CPSF2: variants seen among roughly 807,000 people sequenced by gnomAD.
CPSF2 encodes cleavage and polyadenylation specific factor 2, also known as cleavage and polyadenylation specificity factor subunit 2.
A neutral mutation model predicts 84.2 loss-of-function variants in CPSF2; 51 were observed. The observed-to-expected ratio is 0.61, with a 90% CI of 0.48 to 0.77. CPSF2 has a LOEUF of 0.77. CPSF2 is among the 30% of genes least tolerant of loss of function. The probability of loss-of-function intolerance (pLI) is 0.00; values close to 1 mark genes in which losing one functional copy is unlikely to be tolerated. For missense variants in CPSF2, 641 were observed against 929.4 expected (o/e 0.69, Z 4.03); for synonymous variants, 286 against 311.9 (o/e 0.92, Z 0.87).
chr14:92,124,785 A>G (rs1327544232), intron 1 of CPSF2, among the ~76,000 whole-genome samples: 1 of 152,224 alleles, frequency 6.6e-6, no homozygotes, highest in Non-Finnish European at 1.5e-5. Flanking sequence ...ACATGATTAC[A>G]TGTTGAAATA....
chr14:92,155,615 G>A (rs1357152286), intron 11 of CPSF2, among the ~76,000 whole-genome samples: 1 of 152,110 alleles, frequency 6.6e-6, no homozygotes, highest in Non-Finnish European at 1.5e-5. Flanking sequence ...CACTTAAAAA[G>A]AGAGGAAGAT....
At chr14:92,135,532 A>G in intron 6 of CPSF2, 36 bp downstream of exon 6, 2 of 1,565,550 alleles carry the variant, frequency 1.3e-6, no homozygotes, top group Admixed American at 2.0e-5. Context: ...AGGCAATGCA[A>G]TTGGTATTAT....
At chr14:92,151,354 C>T (rs1346468382) in intron 9 of CPSF2, among the ~76,000 whole-genome samples, 1 of 151,680 alleles carries the variant, frequency 6.6e-6, no homozygotes, top group Non-Finnish European at 1.5e-5. Flanking sequence ...GATCATGCCA[C>T]TGCACTCATC....
At chr14:92,156,408 C>A in intron 11 of CPSF2, 71 bp from the exon 12 acceptor site, 1 of 1,266,088 alleles carries the variant, frequency 7.9e-7, no homozygotes, top group Non-Finnish European at 1.1e-6. Flanking sequence ...AATTATGCCA[C>A]CTACTAGTCA....
chr14:92,145,163 CAT>C (rs1163325205), intron 9 of CPSF2, among the ~76,000 whole-genome samples: 2 of 152,200 alleles, frequency 1.3e-5, no homozygotes, highest in African/African-American at 4.8e-5. Flanking sequence ...TAAACCTTAA[CAT>C]AGAACTGTAA....
chr14:92,148,771 C>CAAA (rs34118244), intron 9 of CPSF2, among the ~76,000 whole-genome samples: 15 of 74,876 alleles, frequency 2.0e-4, no homozygotes, highest in African/African-American at 6.4e-4. Context: ...GGCCTCTTCT[C>CAAA]AAAAAAAAAA....
rs2068774133 is a variant in CPSF2 at position 92,122,019 on chromosome 14, C to T, written c.-203C>T. 1 of 613,202 alleles carries T rather than the reference C, an allele frequency of 1.6e-6. No homozygotes were observed. Among genetic ancestry groups the T allele is most frequent in the Non-Finnish European group, 2.9e-6 (1 of 349,912 alleles). The allele number at this position is 613,202 out of a possible 1,614,324, so 38.0% of individuals were successfully genotyped here. A position where few individuals can be genotyped will look rare whatever the true frequency, so the allele number is the denominator to read the frequency against. On this transcript the variant is annotated 5_prime_UTR_variant, in exon 1 of 16. Transcript: ENST00000298875. ...GCTGCCACTGTGGGGCTTCTGCCGG[C>T]CGGTAGTCCCTGGCGCTGCTGACCC...
intron 9 of CPSF2, among the ~76,000 whole-genome samples, chr14:92,147,482 A>G (rs962966898): frequency 6.6e-6 from 1 of 152,228 alleles, no homozygotes; most frequent in Non-Finnish European, 1.5e-5. Flanking sequence ...TAAGCCATTA[A>G]TCTTACATAT....
chr14:92,165,234 T>C lies in CPSF2; in HGVS notation c.*3490T>C, dbSNP rs1293993788. ...TTAAGAATGCTGCTCTGAACATTCA[T>C]GTGCAAGTTTTTTTTTTTTTGTATG... On this transcript the variant is annotated 3_prime_UTR_variant, in exon 16 of 16. Transcript: ENST00000298875. The C allele has an allele frequency of 1.4e-5, 2 of 146,610 alleles. No homozygotes were observed. The highest frequency in any genetic ancestry group is 4.6e-4 in the East Asian group (2 of 4,334). The allele number at this position is 146,610 out of a possible 1,614,324, so 9.1% of individuals were successfully genotyped here.
chr14:92,143,999 ATTACTCTTTCTTTCAG>A (rs1395874581), intron 9 of CPSF2, among the ~76,000 whole-genome samples: 4 of 152,060 alleles, frequency 2.6e-5, no homozygotes, highest in Non-Finnish European at 5.9e-5. Flanking sequence ...CCCTGAAGTA[ATTACTCTTTCTTTCAG>A]TGTTTCATGT....
At chr14:92,144,827 A>G (rs759806029) in intron 9 of CPSF2, among the ~76,000 whole-genome samples, 11 of 152,158 alleles carry the variant, frequency 7.2e-5, no homozygotes, top group Admixed American at 2.6e-4. Flanking sequence ...CTCCTCAAAC[A>G]TCCTACAGCT....
At chr14:92,128,432 A>C (rs748622804) in intron 2 of CPSF2, among the ~76,000 whole-genome samples, 20 of 152,146 alleles carry the variant, frequency 1.3e-4, no homozygotes, top group Non-Finnish European at 2.5e-4. Flanking sequence ...GCAGTGAGCC[A>C]AGATCGTGAC....
chr14:92,133,613 C>T (rs2068962062), intron 3 of CPSF2, among the ~76,000 whole-genome samples: 1 of 150,688 alleles, frequency 6.6e-6, no homozygotes, highest in African/African-American at 2.4e-5. Flanking sequence ...CTCATGCCAC[C>T]ACCCCTGGCT....
Position 92,164,091 on chromosome 14 carries a change from A to C in CPSF2, c.*2347A>C, listed in dbSNP as rs533920773. On this transcript the variant is annotated 3_prime_UTR_variant, in exon 16 of 16. Coordinates refer to ENST00000298875, the MANE Select transcript of CPSF2 (RefSeq NM_017437.3). ...TTGCTTGGCACTTCTTCCTGCTGCC[A>C]TGTGAAGAAGGATGTGTTTGCTTCC... is the stretch of plus-strand genomic sequence containing the variant. The C allele has an allele frequency of 6.5e-6, 1 of 153,932 alleles. No homozygotes were observed. Among genetic ancestry groups the C allele is most frequent in the East Asian group, 1.9e-4 (1 of 5,248 alleles). The allele number at this position is 153,932 out of a possible 1,614,324, so 9.5% of individuals were successfully genotyped here.
chr14:92,134,387 A>G (rs1468258134), intron 5 of CPSF2, 32 bp downstream of exon 5: 2 of 1,398,054 alleles, frequency 1.4e-6, no homozygotes, highest in Non-Finnish European at 2.0e-6. Flanking sequence ...AAGTATTTAG[A>G]TGAATGGGGT....
At chr14:92,152,821 T>C (rs192375428) in intron 9 of CPSF2, among the ~76,000 whole-genome samples, 2 of 152,280 alleles carry the variant, frequency 1.3e-5, no homozygotes, top group East Asian at 3.9e-4. Flanking sequence ...CATTGATAAA[T>C]ATAACCCACA....
intron 7 of CPSF2, among the ~76,000 whole-genome samples, chr14:92,139,535 C>G (rs1313728171): frequency 6.7e-6 from 1 of 149,794 alleles, no homozygotes; most frequent in African/African-American, 2.5e-5. Context: ...CTTCATCTTA[C>G]ATTCTTTTTT....
intron 3 of CPSF2, among the ~76,000 whole-genome samples, 160 bp downstream of exon 3, chr14:92,131,293 T>C (rs1483895311): frequency 1.3e-5 from 2 of 152,232 alleles, no homozygotes; most frequent in African/African-American, 4.8e-5. Flanking sequence ...TTTTAACTTG[T>C]AAAGTTTTGA....
At chr14:92,161,493 T>TA (rs1249482744) in intron 15 of CPSF2, among the ~76,000 whole-genome samples, 159 bp from the exon 16 acceptor site, 1 of 152,230 alleles carries the variant, frequency 6.6e-6, no homozygotes, top group Non-Finnish European at 1.5e-5. Context: ...TATGTCTATG[T>TA]AAAATTCATG....
Sources: gnomAD v4.1 joint callset for allele counts (sites outside exome capture counted in the v4.1 genomes callset) on GRCh38, gnomAD v4.1.1 for gene constraint, MANE v1.5 for transcripts, NCBI Gene and HGNC (gene_info 2026-07-23, HGNC 2026-07-21) for gene names.